SUCLG2: variants seen among roughly 807,000 people sequenced by gnomAD.
The protein encoded by SUCLG2 is succinate-CoA ligase GDP-forming subunit beta, also known as succinate--CoA ligase [GDP-forming] subunit beta, mitochondrial.
A neutral mutation model predicts 47.9 loss-of-function variants in SUCLG2; 42 were observed. The ratio of observed to expected loss-of-function variants is 0.88; its 90% CI spans 0.69 to 1.14. SUCLG2 has a LOEUF of 1.14. Ranked by LOEUF, SUCLG2 falls within the 50% of genes most tolerant of loss-of-function variation. The pLI is 0.00. For missense variants in SUCLG2, 571 were observed against 525.9 expected (o/e 1.09, Z -0.84); for synonymous variants, 195 against 197.3 (o/e 0.99, Z 0.10).
chr3:67,415,254 A>ATCT lies in SUCLG2; in HGVS notation c.1063-14404_1063-14403insAGA, dbSNP rs746421572. 4.0e-4 allele frequency among the ~76,000 whole-genome samples: 61 copies of ATCT among 152,336 alleles called. No homozygotes were observed. The Middle Eastern group carries it at 0.014, about 34-fold the overall frequency. On this transcript the variant is annotated intron_variant, in intron 9 of 10. Transcript: ENST00000307227. ...CAGAATAAAGCTACACAGAGAGAGA[A>ATCT]AAGAAACCAAGCAAGTTTGGAGAAG... is the stretch of plus-strand genomic sequence containing the variant.
At chr3:67,366,236 C>T (rs537587812) in intron 10 of SUCLG2, among the ~76,000 whole-genome samples, 15 of 152,104 alleles carry the variant, frequency 9.9e-5, no homozygotes, top group South Asian at 2.1e-4. Flanking sequence ...CTGAGGCAGG[C>T]GGATCATGAG....
chr3:67,406,470 G>A (rs749261256), intron 9 of SUCLG2, among the ~76,000 whole-genome samples: 9 of 152,166 alleles, frequency 5.9e-5, no homozygotes, highest in Non-Finnish European at 8.8e-5. Flanking sequence ...GGTGAGGGAG[G>A]GCCTCTCATA....
At chr3:67,363,668 A>G (rs1257635033) in intron 10 of SUCLG2, among the ~76,000 whole-genome samples, 1 of 152,190 alleles carries the variant, frequency 6.6e-6, no homozygotes, top group East Asian at 1.9e-4. Context: ...CATCTTTTAC[A>G]ATTTTACAAT....
chr3:67,500,691 A>G (rs1402211683), intron 7 of SUCLG2, among the ~76,000 whole-genome samples: 3 of 152,194 alleles, frequency 2.0e-5, no homozygotes, highest in Non-Finnish European at 4.4e-5. Context: ...AATGCATTCT[A>G]ATTAATTTAT....
chr3:67,592,007 T>C (rs1032892596), intron 2 of SUCLG2, among the ~76,000 whole-genome samples: 3 of 152,242 alleles, frequency 2.0e-5, no homozygotes, highest in Admixed American at 6.5e-5. Context: ...TTTGTATTGA[T>C]TGATTTCCAT....
At chr3:67,452,946 C>T (rs932356003) in intron 9 of SUCLG2, among the ~76,000 whole-genome samples, 3 of 152,108 alleles carry the variant, frequency 2.0e-5, no homozygotes, top group African/African-American at 4.8e-5. Context: ...TTTAAAGGAG[C>T]CTCTGGTATT....
chr3:67,460,898 C>T (rs1390392749), intron 9 of SUCLG2, among the ~76,000 whole-genome samples: 1 of 152,066 alleles, frequency 6.6e-6, no homozygotes, highest in African/African-American at 2.4e-5. Context: ...TTCTAGTGAG[C>T]ATTCTCTGGG....
Position 67,518,228 on chromosome 3 carries a change from C to A in SUCLG2, c.660+19G>T, listed in dbSNP as rs1384344882. 4 of 1,589,538 alleles carry A rather than the reference C, an allele frequency of 2.5e-6. No individual in the cohort carries two copies. The African/African-American group carries it at 4.0e-5, about 16-fold the overall frequency. On this transcript the variant is annotated intron_variant, in intron 6 of 10. Coordinates refer to ENST00000307227, the MANE Select transcript of SUCLG2 (RefSeq NM_003848.4). ...TTCTGAAACAAGTCAGACACACCAT[C>A]CCCCAATGGCTTATATACCTGGCTT...
At chr3:67,387,558 T>A (rs887457645) in intron 10 of SUCLG2, among the ~76,000 whole-genome samples, 1 of 152,224 alleles carries the variant, frequency 6.6e-6, no homozygotes, top group East Asian at 1.9e-4. Context: ...GAAAAGCTAG[T>A]TACCCTGCCT....
chr3:67,536,616 A>G (rs1055927561), intron 2 of SUCLG2, among the ~76,000 whole-genome samples: 10 of 152,214 alleles, frequency 6.6e-5, no homozygotes, highest in African/African-American at 2.4e-4. Flanking sequence ...ATCCATCAGG[A>G]ACCCTTCACC....
At chr3:67,498,763 C>G (rs1705418511) in intron 7 of SUCLG2, among the ~76,000 whole-genome samples, 1 of 152,046 alleles carries the variant, frequency 6.6e-6, no homozygotes, top group Non-Finnish European at 1.5e-5. Context: ...GAATCAGTAT[C>G]CTGTCTAGTA....
At chr3:67,485,955 G>A (rs1705038404) in intron 9 of SUCLG2, among the ~76,000 whole-genome samples, 1 of 152,188 alleles carries the variant, frequency 6.6e-6, no homozygotes, top group Admixed American at 6.5e-5. Flanking sequence ...CATTTAGACT[G>A]GGGGTTTCTG....
At chr3:67,436,208 G>A (rs1192961990) in intron 9 of SUCLG2, among the ~76,000 whole-genome samples, 3 of 152,154 alleles carry the variant, frequency 2.0e-5, no homozygotes, top group African/African-American at 4.8e-5. Context: ...TGCTAATAAT[G>A]AATGAGCAGG....
At chr3:67,446,770 C>CA (rs1703938645) in intron 9 of SUCLG2, among the ~76,000 whole-genome samples, 1 of 151,958 alleles carries the variant, frequency 6.6e-6, no homozygotes, top group African/African-American at 2.4e-5. Flanking sequence ...GCCAGGCACT[C>CA]AAAGAATGTT....
At chr3:67,552,295 T>G (rs758998008) in intron 2 of SUCLG2, among the ~76,000 whole-genome samples, 14 of 152,112 alleles carry the variant, frequency 9.2e-5, no homozygotes, top group Non-Finnish European at 1.8e-4. Context: ...GTATCTCACA[T>G]GTATTAATGG....
intron 2 of SUCLG2, among the ~76,000 whole-genome samples, chr3:67,586,121 G>C (rs1708014413): frequency 6.6e-6 from 1 of 152,090 alleles, no homozygotes; most frequent in Non-Finnish European, 1.5e-5. Context: ...TACTTGTGCA[G>C]TTAAATAAAT....
chr3:67,574,480 T>C (rs1282900556), intron 2 of SUCLG2, among the ~76,000 whole-genome samples: 1 of 152,228 alleles, frequency 6.6e-6, no homozygotes, highest in East Asian at 1.9e-4. Flanking sequence ...GGGGAATGTA[T>C]CCTCTGTTCA....
At chr3:67,428,380 T>A (rs1703364265) in intron 9 of SUCLG2, among the ~76,000 whole-genome samples, 1 of 151,944 alleles carries the variant, frequency 6.6e-6, no homozygotes, top group African/African-American at 2.4e-5. Flanking sequence ...CAGCTAAGGG[T>A]CCTGACTGTT....
intron 9 of SUCLG2, among the ~76,000 whole-genome samples, chr3:67,470,477 G>A (rs1015457739): frequency 6.6e-6 from 1 of 152,196 alleles, no homozygotes; most frequent in African/African-American, 2.4e-5. Context: ...ACAGTGTTAA[G>A]AGGCAGAACC....
Sources: allele counts gnomAD v4.1 joint callset (sites outside exome capture counted in the v4.1 genomes callset), GRCh38; gene constraint gnomAD v4.1.1; transcripts MANE v1.5; gene names NCBI Gene and HGNC (gene_info 2026-07-23, HGNC 2026-07-21).